PARD3B: variants seen among roughly 807,000 people sequenced by gnomAD.
The protein encoded by PARD3B is par-3 family cell polarity regulator beta.
Under a neutral mutation model 130.2 loss-of-function variants are expected in PARD3B, and 103 were observed. The ratio of observed to expected loss-of-function variants is 0.79; its 90% CI spans 0.67 to 0.93. The LOEUF (loss-of-function observed/expected upper bound fraction) is 0.93, where lower values mean the gene tolerates loss of function less well. Ranked by LOEUF, PARD3B falls within the 40% of genes least tolerant of loss-of-function variation. The probability of loss-of-function intolerance (pLI) is 0.00; values close to 1 mark genes in which losing one functional copy is unlikely to be tolerated. For synonymous variants in PARD3B, 583 were observed against 553.2 expected (o/e 1.05, Z -0.76); for missense variants, 1,609 against 1,499.2 (o/e 1.07, Z -1.21).
intron 16 of PARD3B, among the ~76,000 whole-genome samples, chr2:205,273,204 A>C (rs989817878): frequency 6.6e-6 from 1 of 152,166 alleles, no homozygotes; most frequent in Non-Finnish European, 1.5e-5. Flanking sequence ...TCTTAATCTA[A>C]ATTTTCACTT....
chr2:204,652,883 AAG>A (rs1168370817), intron 1 of PARD3B, among the ~76,000 whole-genome samples: 1 of 151,136 alleles, frequency 6.6e-6, no homozygotes. Flanking sequence ...GTACAAGTGA[AAG>A]GGGAAGTGCT....
At chr2:204,910,775 G>A (rs1423240366) in intron 2 of PARD3B, among the ~76,000 whole-genome samples, 1 of 152,120 alleles carries the variant, frequency 6.6e-6, no homozygotes, top group Admixed American at 6.5e-5. Flanking sequence ...ATGAGTAGCT[G>A]GGACTACAGG....
intron 2 of PARD3B, among the ~76,000 whole-genome samples, chr2:204,909,081 G>A (rs971458415): frequency 1.3e-5 from 2 of 152,108 alleles, no homozygotes; most frequent in Non-Finnish European, 2.9e-5. Context: ...GGGATCTTAA[G>A]CATCTGCAGG....
At chr2:204,842,674 A>G (rs748820979) in intron 2 of PARD3B, among the ~76,000 whole-genome samples, 132 of 152,284 alleles carry the variant, frequency 8.7e-4, no homozygotes, top group Admixed American at 1.5e-3. Flanking sequence ...TTGCTGAGCA[A>G]ATGTCTGGAA....
At chr2:205,531,557 T>C (rs2051595432) in intron 21 of PARD3B, among the ~76,000 whole-genome samples, 1 of 152,148 alleles carries the variant, frequency 6.6e-6, no homozygotes, top group African/African-American at 2.4e-5. Context: ...GCATTACTGC[T>C]GAGAGAAAAA....
intron 2 of PARD3B, among the ~76,000 whole-genome samples, chr2:204,923,589 A>G (rs977413702): frequency 7.2e-5 from 11 of 152,180 alleles, no homozygotes; most frequent in South Asian, 2.1e-4. Context: ...GGAGGTGGCA[A>G]TTAGGAAGGC....
At chr2:205,084,864 G>T (rs1370343449) in intron 4 of PARD3B, among the ~76,000 whole-genome samples, 1 of 151,838 alleles carries the variant, frequency 6.6e-6, no homozygotes, top group Non-Finnish European at 1.5e-5. Context: ...TTCCTTATAA[G>T]AATAAATAAT....
rs776420120 is a variant in PARD3B at position 205,301,747 on chromosome 2, C to T, written c.2630+46C>T. 9 of 1,613,892 alleles carry T rather than the reference C, an allele frequency of 5.6e-6. No individual in the cohort carries two copies. The South Asian group carries it at 9.9e-5, about 18-fold the overall frequency. The stretch of plus-strand genomic sequence containing the variant: ...CAAAGTTGGTTCTCATTTTGTCTCT[C>T]CTGGTAAAATCACTCCTTTGTCTGT... On this transcript the variant is annotated intron_variant, in intron 18 of 22. Transcript: ENST00000406610. This position sits in a 1 kb window ranked among gnomAD's most constrained non-coding sequence, Gnocchi z 5.2.
intron 18 of PARD3B, among the ~76,000 whole-genome samples, chr2:205,314,612 T>C (rs1267040407): frequency 6.6e-6 from 1 of 152,220 alleles, no homozygotes; most frequent in Admixed American, 6.5e-5. Flanking sequence ...TAAAAGCAGA[T>C]AAGAGATACA....
chr2:205,549,048 A>G (rs1247460935), intron 21 of PARD3B, among the ~76,000 whole-genome samples: 1 of 152,212 alleles, frequency 6.6e-6, no homozygotes, highest in Non-Finnish European at 1.5e-5. Flanking sequence ...CATCAAGGAA[A>G]TGGCAAAACA....
At chr2:204,999,501 GTTCT>G in intron 3 of PARD3B, among the ~76,000 whole-genome samples, 1 of 152,244 alleles carries the variant, frequency 6.6e-6, no homozygotes, top group African/African-American at 2.4e-5. Context: ...CTTTGAACAT[GTTCT>G]TTTTCAGTTT....
chr2:205,058,953 CT>C (rs67253000), intron 4 of PARD3B, among the ~76,000 whole-genome samples: 68,141 of 147,062 alleles, frequency 0.46, 15,462 homozygotes, highest in South Asian at 0.57. Flanking sequence ...TTCAATTTTT[CT>C]TTTTTTTTTT....
intron 1 of PARD3B, among the ~76,000 whole-genome samples, chr2:204,657,531 A>G (rs1246239128): frequency 6.6e-6 from 1 of 152,080 alleles, no homozygotes; most frequent in African/African-American, 2.4e-5. Context: ...TTTTTGATTC[A>G]TATCTTAATT....
chr2:204,926,507 T>C (rs1687628081), intron 2 of PARD3B, among the ~76,000 whole-genome samples: 1 of 152,110 alleles, frequency 6.6e-6, no homozygotes, highest in African/African-American at 2.4e-5. Context: ...TCTAATTATG[T>C]TAATGAAACT....
chr2:204,998,530 A>ATATG (rs1559342295), intron 3 of PARD3B, among the ~76,000 whole-genome samples: 30 of 64,934 alleles, frequency 4.6e-4, no homozygotes, highest in Non-Finnish European at 7.8e-4. Flanking sequence ...GTGTATATAT[A>ATATG]TGTGTGTATA....
chr2:205,049,529 C>G (rs1699039345), intron 4 of PARD3B, among the ~76,000 whole-genome samples: 4 of 152,158 alleles, frequency 2.6e-5, no homozygotes, highest in Admixed American at 2.6e-4. Flanking sequence ...GGACAGAAAC[C>G]TTAACCATAT....
At chr2:204,666,370 G>A (rs1032711637) in intron 1 of PARD3B, among the ~76,000 whole-genome samples, 1 of 152,106 alleles carries the variant, frequency 6.6e-6, no homozygotes, top group African/African-American at 2.4e-5. Flanking sequence ...AAACTAGAGA[G>A]GGAAAAATAA....
intron 2 of PARD3B, among the ~76,000 whole-genome samples, chr2:204,910,176 T>G (rs189100147): frequency 6.6e-6 from 1 of 152,288 alleles, no homozygotes; most frequent in East Asian, 1.9e-4. Flanking sequence ...GAGAAAGCAG[T>G]TGGCAAATAA....
At chr2:205,483,444 A>C (rs886914830) in intron 20 of PARD3B, among the ~76,000 whole-genome samples, 1 of 152,254 alleles carries the variant, frequency 6.6e-6, no homozygotes, top group African/African-American at 2.4e-5. Flanking sequence ...TGCAGCTGAC[A>C]GTTAAAAAGA....
Sources: allele counts gnomAD v4.1 joint callset (sites outside exome capture counted in the v4.1 genomes callset), GRCh38; gene constraint gnomAD v4.1.1; non-coding constraint Gnocchi (gnomAD v3.1); transcripts MANE v1.5; gene names NCBI Gene and HGNC (gene_info 2026-07-23, HGNC 2026-07-21).